Variants in LRRC74A observed in about 807,000 individuals in gnomAD.
LRRC74A encodes leucine-rich repeat-containing protein 74A.
Under a neutral mutation model 57.9 loss-of-function variants are expected in LRRC74A, and 44 were observed. That is an observed-to-expected ratio of 0.76 (90% CI 0.60 to 0.98). The LOEUF is 0.98. LRRC74A is among the 50% of genes least tolerant of loss of function. The pLI, the probability that LRRC74A is intolerant of heterozygous loss-of-function variation, is 0.00. For synonymous variants in LRRC74A, 211 were observed against 219.4 expected (o/e 0.96, Z 0.34); for missense variants, 572 against 574.0 (o/e 1.00, Z 0.04).
rs1047431058 is a variant in LRRC74A, at chr14:76,850,145, T to C, written c.677-2220T>C. Among the ~76,000 whole-genome samples the C allele has an allele frequency of 9.9e-5, 15 of 151,962 alleles. 1 individual carries two copies. Among genetic ancestry groups the C allele is most frequent in the Non-Finnish European group, 4.4e-5 (3 of 68,000 alleles). On this transcript the variant is annotated intron_variant, in intron 7 of 13. Transcript: ENST00000689127. ...ATGGCGTGAACCTGGAAGGTGGAGC[T>C]TGCAGTGAGCGGAGATTGCGCCACT...
In LRRC74A at chr14:76,853,299, A is replaced by C; in HGVS notation, c.846A>C (p.Arg282=). The part of the protein sequence containing the change: ...EVALALGEVL[R]LNRCLVYLDI... ...CTCTGGCCCTAGGGGAAGTCCTCCG[A>C]CTCAACCGCTGCCTGGTCTACCTGG... Residue 282 remains arginine, a synonymous_variant, in exon 9 of 14, where the codon CGA becomes CGC. Transcript: ENST00000689127. 1 of 1,613,342 alleles carries C rather than the reference A, an allele frequency of 6.2e-7. No homozygotes were observed. The highest frequency in any genetic ancestry group is 1.3e-5 in the African/African-American group (1 of 74,928).
intron 10 of LRRC74A, among the ~76,000 whole-genome samples, chr14:76,859,685 T>G (rs868009779): frequency 4.4e-4 from 63 of 142,894 alleles, no homozygotes; most frequent in Middle Eastern, 6.9e-3. Context: ...TTTTTTTTTT[T>G]GGGTGTTGGG....
At chr14:76,837,847 C>T (rs1374637737) in intron 4 of LRRC74A, 28 bp from the exon 5 acceptor site, 4 of 1,408,388 alleles carry the variant, frequency 2.8e-6, no homozygotes, top group South Asian at 1.2e-5. Context: ...AGCTTTTTTA[C>T]ATACCGAAGT....
chr14:76,844,577 T>G (rs898360721), intron 6 of LRRC74A, 105 bp downstream of exon 6: 1 of 1,205,916 alleles, frequency 8.3e-7, no homozygotes, highest in Non-Finnish European at 1.2e-6. Context: ...CTTTCACATG[T>G]TAGGGACTGG....
At chr14:76,853,670 T>C (rs1897682072) in intron 9 of LRRC74A, among the ~76,000 whole-genome samples, 1 of 152,112 alleles carries the variant, frequency 6.6e-6, no homozygotes, top group Non-Finnish European at 1.5e-5. Context: ...CATCTGGGTC[T>C]CCTTCGGGAT....
chr14:76,869,629 G>T (rs1339653412), intron 13 of LRRC74A, among the ~76,000 whole-genome samples: 2 of 151,986 alleles, frequency 1.3e-5, no homozygotes, highest in African/African-American at 2.4e-5. Flanking sequence ...AGGTGTGGTG[G>T]CAGGCGCCTG....
intron 5 of LRRC74A, among the ~76,000 whole-genome samples, 180 bp from the exon 6 acceptor site, chr14:76,844,243 T>C (rs964032720): frequency 1.3e-4 from 20 of 152,198 alleles, no homozygotes; most frequent in African/African-American, 4.3e-4. Context: ...GCTCAAGTCA[T>C]CCTCCCACTT....
intron 7 of LRRC74A, among the ~76,000 whole-genome samples, chr14:76,850,815 C>A (rs1440097351): frequency 1.4e-5 from 2 of 142,002 alleles, no homozygotes; most frequent in Non-Finnish European, 3.0e-5. Context: ...TTGCAGTGAG[C>A]CGAGATTGTC....
chr14:76,868,791 G>A (rs1899168904), intron 13 of LRRC74A, among the ~76,000 whole-genome samples: 2 of 152,232 alleles, frequency 1.3e-5, no homozygotes, highest in African/African-American at 4.8e-5. Context: ...AAACCGCGAT[G>A]CAGACAAGAA....
At chr14:76,841,359 T>G (rs1480336876) in intron 5 of LRRC74A, among the ~76,000 whole-genome samples, 1 of 152,164 alleles carries the variant, frequency 6.6e-6, no homozygotes, top group Non-Finnish European at 1.5e-5. Context: ...ATGTTTCGTG[T>G]GTGAGTGGGC....
At chr14:76,845,149 C>G (rs1897038479) in intron 7 of LRRC74A, among the ~76,000 whole-genome samples, 1 of 152,026 alleles carries the variant, frequency 6.6e-6, no homozygotes, top group Admixed American at 6.6e-5. Flanking sequence ...CACAGGGACA[C>G]CCTGTCTCTA....
intron 3 of LRRC74A, among the ~76,000 whole-genome samples, chr14:76,833,995 G>A (rs539200767): frequency 6.6e-6 from 1 of 152,330 alleles, no homozygotes; most frequent in Admixed American, 6.5e-5. Flanking sequence ...TGTATGATAA[G>A]GATAGGCTTA....
In LRRC74A at chr14:76,850,740, C is replaced by CAT. The variant is rs1897402695; in HGVS notation, c.677-1625_677-1624insAT. ...AAAATTAGCTGGGCGTGGTGGCAGG[C>CAT]GCCTATAATCCCAGCTGCCCGGGAG... On this transcript the variant is annotated intron_variant, in intron 7 of 13. Coordinates refer to ENST00000689127, the MANE Select transcript of LRRC74A (RefSeq NM_001385106.1). Among the ~76,000 whole-genome samples the CAT allele has an allele frequency of 4.0e-5, 6 of 151,382 alleles. No homozygotes were observed. In the South Asian group the frequency reaches 1.0e-3, roughly 26 times the overall value.
chr14:76,829,046 ACT>A (rs1895788995), intron 2 of LRRC74A: 1 of 1,289,108 alleles, frequency 7.8e-7, no homozygotes, highest in African/African-American at 1.5e-5. Flanking sequence ...TGAAACAAAG[ACT>A]CTGTTAATGC....
At chr14:76,867,013 T>G (rs1442873298) in intron 12 of LRRC74A, among the ~76,000 whole-genome samples, 2 of 20,334 alleles carry the variant, frequency 9.8e-5, no homozygotes, top group Non-Finnish European at 1.6e-4. Flanking sequence ...TGTGGGGGGG[T>G]GTGTGTTGGG....
chr14:76,841,940 AG>A (rs1427311710), intron 5 of LRRC74A, among the ~76,000 whole-genome samples: 1 of 151,816 alleles, frequency 6.6e-6, no homozygotes, highest in Non-Finnish European at 1.5e-5. Flanking sequence ...TCGAATTCCC[AG>A]CCTCAGGTGA....
intron 5 of LRRC74A, among the ~76,000 whole-genome samples, chr14:76,838,726 G>A (rs529019280): frequency 6.6e-6 from 1 of 152,300 alleles, no homozygotes; most frequent in Non-Finnish European, 1.5e-5. Context: ...AAGATCTGAA[G>A]AGTGTCTAGG....
intron 1 of LRRC74A, 35 bp downstream of exon 1, chr14:76,826,769 C>T (rs1476078101): frequency 1.5e-5 from 21 of 1,395,194 alleles, no homozygotes; most frequent in African/African-American, 5.7e-5. Flanking sequence ...CACTCAGGCC[C>T]GTCCCTGCTG....
intron 9 of LRRC74A, among the ~76,000 whole-genome samples, chr14:76,856,394 C>T (rs1897876024): frequency 1.3e-5 from 2 of 152,226 alleles, no homozygotes; most frequent in South Asian, 4.1e-4. Context: ...CTGTCTCCCC[C>T]AATTACAGTG....
Sources: gnomAD v4.1 joint callset for allele counts (sites outside exome capture counted in the v4.1 genomes callset) on GRCh38, gnomAD v4.1.1 for gene constraint, MANE v1.5 for transcripts, NCBI Gene and HGNC (gene_info 2026-07-23, HGNC 2026-07-21) for gene names.